ERC2: variants seen among roughly 807,000 people sequenced by gnomAD.
ERC2 encodes ERC protein 2.
In ERC2, 42 loss-of-function variants were observed where a neutral mutation model predicts 114.8. That is an observed-to-expected ratio of 0.37 (90% CI 0.29 to 0.47). The LOEUF is 0.47. ERC2 is among the 20% of genes least tolerant of loss of function. The pLI is 0.99. For missense variants in ERC2, 939 were observed against 1,150.7 expected (o/e 0.82, Z 2.66); for synonymous variants, 454 against 425.5 (o/e 1.07, Z -0.82).
intron 3 of ERC2, among the ~76,000 whole-genome samples, chr3:56,207,975 T>A (rs988525986): frequency 6.6e-6 from 1 of 152,194 alleles, no homozygotes; most frequent in Non-Finnish European, 1.5e-5. Context: ...AAACATTATG[T>A]TTTCCTGTCT....
chr3:56,244,117 C>T (rs1243370908), intron 3 of ERC2, among the ~76,000 whole-genome samples: 2 of 152,106 alleles, frequency 1.3e-5, no homozygotes, highest in Admixed American at 6.6e-5. Flanking sequence ...AGGAACACCA[C>T]ACTATATACA....
At chr3:55,774,153 T>C (rs976587037) in intron 14 of ERC2, among the ~76,000 whole-genome samples, 3 of 152,172 alleles carry the variant, frequency 2.0e-5, no homozygotes, top group Non-Finnish European at 4.4e-5. Flanking sequence ...CAGGCTAGAC[T>C]GGGTAAAACA....
chr3:55,752,790 CAAAAT>C (rs1013815174), intron 14 of ERC2, among the ~76,000 whole-genome samples: 2 of 151,980 alleles, frequency 1.3e-5, no homozygotes, highest in Non-Finnish European at 2.9e-5. Context: ...TTTTATGTCT[CAAAAT>C]AAAATAGATT....
At chr3:56,108,226 G>A (rs2149820931) in intron 6 of ERC2, among the ~76,000 whole-genome samples, 1 of 152,166 alleles carries the variant, frequency 6.6e-6, no homozygotes, top group East Asian at 1.9e-4. Flanking sequence ...GGAAATGGAA[G>A]CTCTCTCAAC....
At chr3:55,586,491 G>A (rs1022407833) in intron 17 of ERC2, among the ~76,000 whole-genome samples, 2 of 152,176 alleles carry the variant, frequency 1.3e-5, no homozygotes, top group African/African-American at 4.8e-5. Context: ...ACTAGTCATC[G>A]AGTTGGTGAC....
chr3:56,129,123 A>G (rs993118039), intron 6 of ERC2, among the ~76,000 whole-genome samples: 1 of 152,216 alleles, frequency 6.6e-6, no homozygotes, highest in African/African-American at 2.4e-5. Context: ...CTTTTTCTTA[A>G]TAAGACAAAA....
intron 17 of ERC2, among the ~76,000 whole-genome samples, chr3:55,638,397 T>A (rs1345370721): frequency 6.6e-6 from 1 of 152,242 alleles, no homozygotes; most frequent in Non-Finnish European, 1.5e-5. Context: ...AACTTTTCAA[T>A]GGATTATGAA....
At chr3:56,214,361 G>C (rs1220892118) in intron 3 of ERC2, among the ~76,000 whole-genome samples, 2 of 150,042 alleles carry the variant, frequency 1.3e-5, no homozygotes, top group Non-Finnish European at 2.9e-5. Context: ...AGCTTCAGTA[G>C]CTGATTCAAT....
intron 10 of ERC2, among the ~76,000 whole-genome samples, chr3:56,006,226 C>T (rs545582687): frequency 6.6e-6 from 1 of 152,026 alleles, no homozygotes; most frequent in Non-Finnish European, 1.5e-5. Context: ...TATATTGCAT[C>T]ATACAAAATA....
intron 2 of ERC2, among the ~76,000 whole-genome samples, chr3:56,333,336 C>G (rs2057713004): frequency 6.6e-6 from 1 of 152,226 alleles, no homozygotes; most frequent in South Asian, 2.1e-4. Context: ...GGTGCCACAA[C>G]ATTCTTTGTG....
chr3:55,688,978 T>C (rs2062484155), intron 16 of ERC2, among the ~76,000 whole-genome samples: 2 of 152,178 alleles, frequency 1.3e-5, no homozygotes, highest in Non-Finnish European at 1.5e-5. Flanking sequence ...TTTATTCTTC[T>C]ACACCCCAGT....
intron 14 of ERC2, among the ~76,000 whole-genome samples, chr3:55,879,171 T>C (rs1342522335): frequency 1.4e-5 from 2 of 141,278 alleles, no homozygotes; most frequent in Non-Finnish European, 3.0e-5. Context: ...GAGCCCAGCA[T>C]TTCCTAAGTT....
intron 15 of ERC2, among the ~76,000 whole-genome samples, chr3:55,717,604 G>A (rs116522049): frequency 0.018 from 2,808 of 152,170 alleles, 70 homozygotes; most frequent in African/African-American, 0.063. Flanking sequence ...TGGTTTGTTC[G>A]AGAAGCTCTT....
intron 13 of ERC2, among the ~76,000 whole-genome samples, chr3:55,892,422 C>A (rs996098230): frequency 6.6e-6 from 1 of 152,086 alleles, no homozygotes; most frequent in Non-Finnish European, 1.5e-5. Flanking sequence ...CCCTGGGGGG[C>A]TGAGGCAAGG....
chr3:55,796,293 A>C (rs1473937939), intron 14 of ERC2, among the ~76,000 whole-genome samples: 1 of 152,214 alleles, frequency 6.6e-6, no homozygotes, highest in Admixed American at 6.5e-5. Context: ...ACTGCATGAG[A>C]AGCAGAAATC....
intron 15 of ERC2, among the ~76,000 whole-genome samples, chr3:55,724,506 A>T (rs983405137): frequency 7.2e-5 from 11 of 152,210 alleles, no homozygotes; most frequent in African/African-American, 2.7e-4. Flanking sequence ...CAGCTGTGGC[A>T]TCTCTGCATA....
intron 13 of ERC2, among the ~76,000 whole-genome samples, chr3:55,905,018 C>A (rs75264630): frequency 0.055 from 8,302 of 152,228 alleles, 558 homozygotes; most frequent in African/African-American, 0.16. Context: ...AAGCAGCTCC[C>A]GTTTCCAAAT....
intron 3 of ERC2, among the ~76,000 whole-genome samples, chr3:56,215,222 A>T (rs2049372328): frequency 6.6e-6 from 1 of 152,214 alleles, no homozygotes; most frequent in Admixed American, 6.5e-5. Flanking sequence ...GTCAAGACCC[A>T]TCAGCGTGCT....
intron 3 of ERC2, among the ~76,000 whole-genome samples, chr3:56,202,547 T>A (rs2048468658): frequency 6.6e-6 from 1 of 151,178 alleles, no homozygotes; most frequent in South Asian, 2.1e-4. Flanking sequence ...TGCGGCTTTA[T>A]GGGGGTATAA....
Sources: allele counts gnomAD v4.1 joint callset (sites outside exome capture counted in the v4.1 genomes callset), GRCh38; gene constraint gnomAD v4.1.1; transcripts MANE v1.5; gene names NCBI Gene and HGNC (gene_info 2026-07-23, HGNC 2026-07-21).